Variants in CDH13 observed in about 807,000 individuals in gnomAD.
CDH13 encodes the protein cadherin-13.
Under a neutral mutation model 63.8 loss-of-function variants are expected in CDH13, and 24 were observed. The ratio of observed to expected loss-of-function variants is 0.38; its 90% CI spans 0.27 to 0.53. CDH13 has a LOEUF of 0.53. Among genes scored for constraint, CDH13 ranks in the 20% least tolerant of loss-of-function variants. The pLI, the probability that CDH13 is intolerant of heterozygous loss-of-function variation, is 0.85. For missense variants in CDH13, 1,049 were observed against 903.1 expected, an observed-to-expected ratio of 1.16 and a Z score of -2.07; for synonymous variants, 503 against 355.3, an observed-to-expected ratio of 1.42 and a Z score of -4.67.
rs190546570 is a variant in CDH13 at position 82,999,748 on chromosome 16, C to T, written c.158-32262C>T. Among the ~76,000 whole-genome samples, 636 of 152,300 alleles carry T rather than the reference C, an allele frequency of 4.2e-3. 5 individuals are homozygous for T. The highest frequency in any genetic ancestry group is 6.6e-3 in the Non-Finnish European group (451 of 68,034). ...CCGAAGGGCAAGGACCCCTCTCCAG[C>T]AGCTGTCGTCCAGCACATATTTAAC... On this transcript the variant is annotated intron_variant, in intron 2 of 13. Transcript: ENST00000567109.
At chr16:82,817,407 C>A (rs967574569) in intron 1 of CDH13, among the ~76,000 whole-genome samples, 2 of 152,124 alleles carry the variant, frequency 1.3e-5, no homozygotes, top group African/African-American at 4.8e-5. Flanking sequence ...GTACTCTAGG[C>A]CCCAGTTACC....
chr16:83,565,680 C>G (rs1473795518), intron 7 of CDH13, among the ~76,000 whole-genome samples: 1 of 152,108 alleles, frequency 6.6e-6, no homozygotes, highest in East Asian at 1.9e-4. Flanking sequence ...ATTCTCCTTT[C>G]TCTTCCTTGC....
intron 1 of CDH13, among the ~76,000 whole-genome samples, chr16:82,683,046 C>A (rs528401884): frequency 6.6e-6 from 1 of 152,198 alleles, no homozygotes; most frequent in Non-Finnish European, 1.5e-5. Flanking sequence ...CCAAGTTATT[C>A]AGTTTCCATG....
intron 2 of CDH13, among the ~76,000 whole-genome samples, chr16:82,874,882 A>C (rs976828226): frequency 6.6e-6 from 1 of 152,140 alleles, no homozygotes; most frequent in Non-Finnish European, 1.5e-5. Context: ...AATAGGGAGG[A>C]CTGAACTTAG....
intron 2 of CDH13, among the ~76,000 whole-genome samples, chr16:82,885,461 A>G (rs959855969): frequency 2.4e-5 from 1 of 41,676 alleles, no homozygotes; most frequent in Admixed American, 3.8e-4. Flanking sequence ...TCATTCATCC[A>G]CCTACCCATC....
At chr16:83,154,292 C>G (rs898179456) in intron 4 of CDH13, among the ~76,000 whole-genome samples, 2 of 152,148 alleles carry the variant, frequency 1.3e-5, no homozygotes, top group African/African-American at 4.8e-5. Context: ...TGCAGTGGCT[C>G]ACATCTGTAA....
chr16:83,292,772 T>C (rs1310963243), intron 5 of CDH13, among the ~76,000 whole-genome samples: 1 of 152,222 alleles, frequency 6.6e-6, no homozygotes, highest in African/African-American at 2.4e-5. Context: ...ATCAGTGTTA[T>C]AAGAGCTTGA....
At chr16:82,770,969 C>T (rs1185132758) in intron 1 of CDH13, among the ~76,000 whole-genome samples, 1 of 152,192 alleles carries the variant, frequency 6.6e-6, no homozygotes, top group African/African-American at 2.4e-5. Context: ...CCCGCTTCGG[C>T]CTCCCAAAGT....
chr16:83,598,343 C>T lies in CDH13; in HGVS notation c.961-4111C>T, dbSNP rs144749605. The stretch of plus-strand genomic sequence containing the variant: ...CCACATCACTGCACTCCAGCCTGAA[C>T]GACAGAGTGAGACCCTGTCTCAAAA... On this transcript the variant is annotated intron_variant, in intron 7 of 13. Transcript: ENST00000567109. Among the ~76,000 whole-genome samples, 618 of 152,136 alleles carry T rather than the reference C, an allele frequency of 4.1e-3. 7 individuals are homozygous for T. The highest frequency in any genetic ancestry group is 0.014 in the African/African-American group (576 of 41,484).
At chr16:82,737,818 C>G (rs1196955084) in intron 1 of CDH13, among the ~76,000 whole-genome samples, 2 of 152,112 alleles carry the variant, frequency 1.3e-5, no homozygotes, top group African/African-American at 2.4e-5. Flanking sequence ...AATTGACCTA[C>G]AAAAAATTGC....
intron 2 of CDH13, among the ~76,000 whole-genome samples, chr16:82,938,453 A>G (rs747519268): frequency 3.3e-5 from 5 of 152,216 alleles, no homozygotes; most frequent in Non-Finnish European, 5.9e-5. Context: ...AGGTAATTTC[A>G]ATACTGAGCT....
intron 1 of CDH13, among the ~76,000 whole-genome samples, chr16:82,702,585 A>G (rs1359443799): frequency 6.6e-6 from 1 of 151,868 alleles, no homozygotes; most frequent in Non-Finnish European, 1.5e-5. Context: ...TTATCAGTCA[A>G]ATTTCTAAGA....
At chr16:83,063,118 C>T (rs375453913) in intron 3 of CDH13, among the ~76,000 whole-genome samples, 6 of 152,074 alleles carry the variant, frequency 3.9e-5, no homozygotes, top group South Asian at 2.1e-4. Context: ...CGTGCCAGCA[C>T]GTCTGGCTAA....
intron 1 of CDH13, among the ~76,000 whole-genome samples, chr16:82,678,487 A>G (rs1166999033): frequency 6.6e-6 from 1 of 152,130 alleles, no homozygotes. Context: ...TTATCTCTGG[A>G]GACTTGTATA....
chr16:83,516,390 A>T (rs976353758), intron 7 of CDH13, among the ~76,000 whole-genome samples: 3 of 152,218 alleles, frequency 2.0e-5, no homozygotes, highest in African/African-American at 7.2e-5. Context: ...TTTCTAGCCT[A>T]TAAAAATAGT....
intron 3 of CDH13, among the ~76,000 whole-genome samples, chr16:83,044,761 G>A (rs937263547): frequency 6.6e-6 from 1 of 152,184 alleles, no homozygotes; most frequent in African/African-American, 2.4e-5. Flanking sequence ...TCGTGGAGTT[G>A]GTTGAGTGGC....
chr16:83,210,304 A>G (rs1428001959), intron 4 of CDH13, among the ~76,000 whole-genome samples: 3 of 151,898 alleles, frequency 2.0e-5, no homozygotes, highest in Non-Finnish European at 4.4e-5. Flanking sequence ...ACCTCAGGTG[A>G]TCCACCTTCC....
intron 6 of CDH13, among the ~76,000 whole-genome samples, chr16:83,404,346 T>G (rs2092010688): frequency 6.6e-6 from 1 of 152,240 alleles, no homozygotes; most frequent in African/African-American, 2.4e-5. Context: ...TGACCTTGTT[T>G]CTTCTCCCAA....
intron 2 of CDH13, among the ~76,000 whole-genome samples, chr16:82,867,293 T>C (rs1445703577): frequency 2.0e-5 from 3 of 152,178 alleles, no homozygotes; most frequent in Non-Finnish European, 4.4e-5. Flanking sequence ...TTTTTTGATG[T>C]TGGTGGTGAT....
Sources: allele counts gnomAD v4.1 joint callset (sites outside exome capture counted in the v4.1 genomes callset), GRCh38; gene constraint gnomAD v4.1.1; transcripts MANE v1.5; gene names NCBI Gene and HGNC (gene_info 2026-07-23, HGNC 2026-07-21).